The following NFE2L3 variants were observed in gnomAD, a reference collection of about 807,000 sequenced individuals.
NFE2L3 encodes the protein nuclear factor erythroid 2-related factor 3.
A neutral mutation model predicts 23.5 loss-of-function variants in NFE2L3; 18 were observed. The observed-to-expected ratio is 0.77, with a 90% CI of 0.53 to 1.13. The LOEUF is 1.13. Among genes scored for constraint, NFE2L3 ranks in the 50% most tolerant of loss-of-function variants. The pLI, the probability that NFE2L3 is intolerant of heterozygous loss-of-function variation, is 0.00. For synonymous variants in NFE2L3, 424 were observed against 354.5 expected (o/e 1.20, Z -2.20); for missense variants, 1,152 against 877.2 (o/e 1.31, Z -3.96).
At chr7:26,174,203 G>A (rs1185947481) in intron 1 of NFE2L3, 1 of 152,354 alleles carries the variant, frequency 6.6e-6, no homozygotes, top group Admixed American at 6.5e-5. Context: ...GAATAGAGAG[G>A]TACTTGGATG....
chr7:26,159,927 G>A (rs1784141842), intron 1 of NFE2L3, among the ~76,000 whole-genome samples: 2 of 144,270 alleles, frequency 1.4e-5, no homozygotes, highest in Admixed American at 1.4e-4. Flanking sequence ...GATAGGAAGA[G>A]TTTATTCTTA....
At chr7:26,183,267 GTCAGCTGCAGTGGC>G (rs1174416873) in intron 2 of NFE2L3, among the ~76,000 whole-genome samples, 1 of 152,010 alleles carries the variant, frequency 6.6e-6, no homozygotes, top group Non-Finnish European at 1.5e-5. Context: ...AGAGAAATAG[GTCAGCTGCAGTGGC>G]TCACGTCTGT....
At chr7:26,175,827 A>G (rs886898938) in intron 1 of NFE2L3, among the ~76,000 whole-genome samples, 14 of 148,214 alleles carry the variant, frequency 9.4e-5, no homozygotes, top group African/African-American at 3.5e-4. Context: ...TTTGCTTCCA[A>G]TTAGCTGTTT....
At position 26,186,076 on chromosome 7, in the gene NFE2L3, G is replaced by GA. The variant is rs1562682020; in HGVS notation, c.*293_*294insA. On this transcript the variant is annotated 3_prime_UTR_variant, in exon 4 of 4. Transcript: ENST00000056233. ...AAACCCAGTAAGACTTTCCATCTTGGCAGCCATCCTTTTTAAGAGTAAGTT... is the reference window on the plus strand; with the variant it reads ...AAACCCAGTAAGACTTTCCATCTTGGACAGCCATCCTTTTTAAGAGTAAGTT... 1 of 240,658 alleles carries GA rather than the reference G, an allele frequency of 4.2e-6. No homozygotes were observed. Among genetic ancestry groups the GA allele is most frequent in the African/African-American group, 2.2e-5 (1 of 44,604 alleles). 14.9% of individuals were successfully genotyped at this position (240,658 alleles called of 1,614,324 possible).
chr7:26,152,276 C>A lies in NFE2L3; in HGVS notation c.-223C>A. On this transcript the variant is annotated 5_prime_UTR_variant, in exon 1 of 4. Coordinates refer to ENST00000056233, the MANE Select transcript of NFE2L3 (RefSeq NM_004289.7). The surrounding 1 kb of genome is among the most constrained non-coding windows in gnomAD (Gnocchi z 4.4). ...TCAGGTGGCTCCTTCTTCGCTTCTC[C>A]CGATCCCCGGCGGTGCCAGGCACGG... 4.0e-6 allele frequency: 1 copy of A among 247,276 alleles called. No homozygotes were observed. The highest frequency in any genetic ancestry group is 7.5e-6 in the Non-Finnish European group (1 of 132,604). The allele number at this position is 247,276 out of a possible 1,614,324, so 15.3% of individuals were successfully genotyped here.
chr7:26,153,097 T>A lies in NFE2L3; in HGVS notation c.570+29T>A, dbSNP rs537694894. On this transcript the variant is annotated intron_variant, in intron 1 of 3. Coordinates refer to ENST00000056233, the MANE Select transcript of NFE2L3 (RefSeq NM_004289.7). ...GGTGCAGAGCGGGAAGCGAGCGAAG[T>A]GCGGCGTCTACGCCGCCGGGAGCCC... The A allele has an allele frequency of 1.1e-4, 170 of 1,504,010 alleles. 2 individuals carry two copies. In the South Asian group the frequency reaches 2.0e-3, roughly 17 times the overall value. The allele number at this position is 1,504,010 out of a possible 1,614,324, so 93.2% of individuals were successfully genotyped here.
chr7:26,155,804 G>A (rs1784073254), intron 1 of NFE2L3, among the ~76,000 whole-genome samples: 3 of 152,196 alleles, frequency 2.0e-5, no homozygotes, highest in South Asian at 4.1e-4. Context: ...TCACCTGCTA[G>A]TATGCCCTCC....
intron 1 of NFE2L3, 94 bp downstream of exon 1, chr7:26,153,162 T>C: frequency 7.9e-7 from 1 of 1,265,794 alleles, no homozygotes; most frequent in South Asian, 1.6e-5. Context: ...CCACTCTCGC[T>C]GTGTCCTGGC....
chr7:26,185,178 G>C lies in NFE2L3; in HGVS notation c.1480G>C (p.Val494Leu). Residue 494 changes from valine to leucine, a missense_variant, in exon 4 of 4, where the codon GTA (valine) becomes CTA (leucine). Transcript: ENST00000056233. ...CCATGGAGATCTTACATTTCAACAC[G>C]TATTTCATAACCACACTTACCACTT... Reference protein sequence around the residue: ...DFHGDLTFQHVFHNHTYHLQP... With the variant: ...DFHGDLTFQHLFHNHTYHLQP... 1 of 1,613,716 alleles carries C rather than the reference G, an allele frequency of 6.2e-7. No individual in the cohort carries two copies. Among genetic ancestry groups the C allele is most frequent in the Non-Finnish European group, 8.5e-7 (1 of 1,179,818 alleles).
intron 1 of NFE2L3, among the ~76,000 whole-genome samples, chr7:26,176,239 G>T (rs1784403184): frequency 6.6e-6 from 1 of 152,134 alleles, no homozygotes; most frequent in African/African-American, 2.4e-5. Flanking sequence ...GAACAAAATG[G>T]AGTCTCCTGT....
Position 26,152,489 on chromosome 7 carries a change from C to CGCG in NFE2L3, c.-3_-1dup. ...GCGCCGGCAGGGGCGTTCCCGGGCG[C>CGCG]GCGGCGGCGATGAAGCACCTGAAGC... is the stretch of plus-strand genomic sequence containing the variant. On this transcript the variant is annotated 5_prime_UTR_variant, in exon 1 of 4. Transcript: ENST00000056233. The surrounding 1 kb of genome is among the most constrained non-coding windows in gnomAD (Gnocchi z 4.4). 7.6e-7 allele frequency: 1 copy of CGCG among 1,307,602 alleles called. No homozygotes were observed. Among genetic ancestry groups the CGCG allele is most frequent in the Non-Finnish European group, 9.7e-7 (1 of 1,029,996 alleles). 81.0% of individuals were successfully genotyped at this position (1,307,602 alleles called of 1,614,324 possible).
intron 1 of NFE2L3, among the ~76,000 whole-genome samples, chr7:26,167,462 A>G (rs1784266630): frequency 6.6e-6 from 1 of 152,016 alleles, no homozygotes; most frequent in Admixed American, 6.6e-5. Context: ...GTAGGTGTTT[A>G]GTTGTGACTA....
In NFE2L3 at chr7:26,185,868, C is replaced by G. The variant is rs1324510001; in HGVS notation, c.*85C>G. 1.7e-5 allele frequency: 19 copies of G among 1,123,914 alleles called. No individual in the cohort carries two copies. Among genetic ancestry groups the G allele is most frequent in the Non-Finnish European group, 2.1e-5 (17 of 803,060 alleles). The allele number at this position is 1,123,914 out of a possible 1,614,324, so 69.6% of individuals were successfully genotyped here. On this transcript the variant is annotated 3_prime_UTR_variant, in exon 4 of 4. Transcript: ENST00000056233. ...GGATCAGAAACCATTGAAACTGCTT[C>G]AAGAATTGTATCTTTAAGTACTGCT... is the stretch of plus-strand genomic sequence containing the variant.
chr7:26,182,747 C>T (rs950182111), intron 2 of NFE2L3, among the ~76,000 whole-genome samples: 3 of 151,730 alleles, frequency 2.0e-5, no homozygotes, highest in Admixed American at 1.3e-4. Context: ...GATGAAGCAT[C>T]GATAAATTGG....
Position 26,184,809 on chromosome 7 carries a change from CAT to C in NFE2L3, c.1114_1115del (p.Met372GlufsTer11), listed in dbSNP as rs745478691. On this transcript the variant is annotated frameshift_variant, in exon 4 of 4. Coordinates refer to ENST00000056233, the MANE Select transcript of NFE2L3 (RefSeq NM_004289.7). LOFTEE classifies it low-confidence loss of function (END_TRUNC). Reference protein sequence around the residue: ...LTGFLSPVDNHMRNLTSQDLL... With the variant: ...LTGFLSPVDNXMRNLTSQDLL... ...AGGATTTCTTTCACCGGTTGACAAT[CAT>C]ATGAGGAATCTAACAAGCCAAGACC... 1.2e-5 allele frequency: 19 copies of C among 1,613,940 alleles called. No individual in the cohort carries two copies. Among genetic ancestry groups the C allele is most frequent in the Non-Finnish European group, 1.4e-5 (17 of 1,179,850 alleles).
At chr7:26,184,029 A>ATTAT in intron 3 of NFE2L3, 3 of 500,158 alleles carry the variant, frequency 6.0e-6, no homozygotes, top group Middle Eastern at 3.7e-4. Context: ...AACTAAAAGA[A>ATTAT]TTATCAGGTA....
intron 3 of NFE2L3, 36 bp downstream of exon 3, chr7:26,183,820 A>ATATC: frequency 7.6e-7 from 1 of 1,319,868 alleles, no homozygotes; most frequent in Non-Finnish European, 1.1e-6. Context: ...TCGCAGGAAC[A>ATATC]TATCTGCACT....
At chr7:26,181,718 TAAATCAGTGTTTAAATTGTTCATAGG>T (rs1784514337) in intron 2 of NFE2L3, among the ~76,000 whole-genome samples, 1 of 152,178 alleles carries the variant, frequency 6.6e-6, no homozygotes, top group African/African-American at 2.4e-5. Flanking sequence ...AAAAAGACTC[TAAATCAGTGTTTAAATTGTTCATAGG>T]AACAGAATCT....
intron 1 of NFE2L3, among the ~76,000 whole-genome samples, chr7:26,176,104 C>T (rs1191660240): frequency 1.3e-5 from 2 of 151,554 alleles, no homozygotes; most frequent in African/African-American, 4.8e-5. Flanking sequence ...TAACAAAGCA[C>T]ATCTTGCACC....
Sources: allele counts gnomAD v4.1 joint callset (sites outside exome capture counted in the v4.1 genomes callset), GRCh38; gene constraint gnomAD v4.1.1; non-coding constraint Gnocchi (gnomAD v3.1); transcripts MANE v1.5; gene names NCBI Gene and HGNC (gene_info 2026-07-23, HGNC 2026-07-21).